LRP2: variants seen among roughly 807,000 people sequenced by gnomAD.
The protein encoded by LRP2 is LDL receptor related protein 2.
Under a neutral mutation model 531.0 loss-of-function variants are expected in LRP2, and 172 were observed. The observed-to-expected ratio is 0.32, with a 90% CI of 0.29 to 0.37. The LOEUF is 0.37. Among genes scored for constraint, LRP2 ranks in the 10% least tolerant of loss-of-function variants. LRP2 has a pLI of 1.00. For missense variants in LRP2, 5,167 were observed against 5,868.3 expected, an observed-to-expected ratio of 0.88 and a Z score of 3.90; for synonymous variants, 1,992 against 2,027.6, an observed-to-expected ratio of 0.98 and a Z score of 0.47.
rs1683713452 is a variant in LRP2 at position 169,281,854 on chromosome 2, A to G, written c.1171+1019T>C. 2.0e-5 allele frequency among the ~76,000 whole-genome samples: 3 copies of G among 152,144 alleles called. No homozygotes were observed. In the South Asian group the frequency reaches 6.2e-4, roughly 31 times the overall value. On this transcript the variant is annotated intron_variant, in intron 10 of 78. Transcript: ENST00000649046. ...AGAACTGTGCATATAGTTTACTACC[A>G]TATATAGATATGTAAATACAGTTAA...
At position 169,233,459 on chromosome 2, in the gene LRP2, G is replaced by C; in HGVS notation, c.5050C>G (p.Gln1684Glu). ...ACCGCAACAATCCCAAGGGGCCATT[G>C]AATATTATACATTACAACTGACTGG... Reference protein sequence around the residue: ...GNQSVVMYNIQWPLGIVAVHP... With the variant: ...GNQSVVMYNIEWPLGIVAVHP... The change falls in exon 30 of 79, where the codon CAA (glutamine) becomes GAA (glutamate). Residue 1684 changes from glutamine to glutamate, a missense_variant. Coordinates refer to ENST00000649046, the MANE Select transcript of LRP2 (RefSeq NM_004525.3). The C allele has an allele frequency of 6.2e-7, 1 of 1,614,124 alleles. No individual in the cohort carries two copies. Among genetic ancestry groups the C allele is most frequent in the Non-Finnish European group, 8.5e-7 (1 of 1,180,028 alleles).
chr2:169,336,025 A>AG (rs1685394385), intron 1 of LRP2, among the ~76,000 whole-genome samples: 1 of 152,086 alleles, frequency 6.6e-6, no homozygotes, highest in African/African-American at 2.4e-5. Flanking sequence ...AAAAAAAAAA[A>AG]AAAAACAAGC....
rs553755582 is a variant in LRP2, at chr2:169,283,093, G to A, written c.1043-92C>T. On this transcript the variant is annotated intron_variant, in intron 9 of 78. Coordinates refer to ENST00000649046, the MANE Select transcript of LRP2 (RefSeq NM_004525.3). ...AATCCTAGATAAGATGGCCAAGAAT[G>A]TGGTGTTGCCCATGTCTAAATAAAC... 12 of 1,330,076 alleles carry A rather than the reference G, an allele frequency of 9.0e-6. No individual in the cohort carries two copies. In the East Asian group the frequency reaches 2.5e-4, roughly 28 times the overall value. The allele number at this position is 1,330,076 out of a possible 1,614,324, so 82.4% of individuals were successfully genotyped here.
intron 1 of LRP2, among the ~76,000 whole-genome samples, chr2:169,336,765 T>G (rs955302291): frequency 6.6e-6 from 1 of 152,140 alleles, no homozygotes. Context: ...ATAACACTTG[T>G]CAGGAAACAA....
rs746915161 is a variant in LRP2 at position 169,175,404 on chromosome 2, T to C, written c.10572-15A>G. On this transcript the variant is annotated splice_polypyrimidine_tract_variant and intron_variant, in intron 54 of 78. Coordinates refer to ENST00000649046, the MANE Select transcript of LRP2 (RefSeq NM_004525.3). ...TAGGAATGCACCTGCACAGAGAACATACAGCACTTCTTTAGCAAAGCACCA... is the reference window on the plus strand; with the variant it reads ...TAGGAATGCACCTGCACAGAGAACACACAGCACTTCTTTAGCAAAGCACCA... 18 of 1,612,776 alleles carry C rather than the reference T, an allele frequency of 1.1e-5. No homozygotes were observed. Among genetic ancestry groups the C allele is most frequent in the Non-Finnish European group, 1.4e-5 (17 of 1,179,256 alleles).
At chr2:169,201,486 C>T (rs919223574) in intron 44 of LRP2, 142 bp downstream of exon 44, 22 of 1,020,860 alleles carry the variant, frequency 2.2e-5, no homozygotes, top group Middle Eastern at 3.1e-4. Context: ...TACTTGCTAC[C>T]GCGCCTAGCC....
chr2:169,356,619 C>A (rs1474425566), intron 1 of LRP2, among the ~76,000 whole-genome samples: 1 of 152,210 alleles, frequency 6.6e-6, no homozygotes, highest in Admixed American at 6.5e-5. Flanking sequence ...AAACCAAGAT[C>A]CTCCAACTTC....
At chr2:169,292,162 A>T in intron 7 of LRP2, 91 bp downstream of exon 7, 1 of 1,024,926 alleles carries the variant, frequency 9.8e-7, no homozygotes, top group South Asian at 1.3e-5. Flanking sequence ...TGCTTGTCAC[A>T]CAAAATTTCT....
intron 45 of LRP2, 131 bp from the exon 46 acceptor site, chr2:169,197,161 T>G: frequency 9.1e-7 from 1 of 1,099,054 alleles, no homozygotes; most frequent in Non-Finnish European, 1.3e-6. Context: ...GGAAAATGGA[T>G]GCTTGTGTAA....
chr2:169,345,618 GCA>G (rs2105566535), intron 1 of LRP2, among the ~76,000 whole-genome samples: 1 of 152,082 alleles, frequency 6.6e-6, no homozygotes, highest in South Asian at 2.1e-4. Context: ...ACAGAACTGT[GCA>G]CACACACAGC....
chr2:169,323,853 T>A (rs1684970903), intron 1 of LRP2, among the ~76,000 whole-genome samples: 4 of 148,052 alleles, frequency 2.7e-5, no homozygotes, highest in Non-Finnish European at 3.0e-5. Flanking sequence ...GCTGCCTGAT[T>A]AAAAAAAAAA....
intron 63 of LRP2, among the ~76,000 whole-genome samples, chr2:169,162,029 G>A (rs781574372): frequency 1.3e-4 from 20 of 152,082 alleles, no homozygotes; most frequent in Non-Finnish European, 2.2e-4. Flanking sequence ...TTCTCCTAAT[G>A]CTATCCCTCC....
chr2:169,221,103 G>A (rs1455984425), intron 33 of LRP2, among the ~76,000 whole-genome samples: 1 of 152,168 alleles, frequency 6.6e-6, no homozygotes, highest in Non-Finnish European at 1.5e-5. Context: ...GGTCCTGACT[G>A]TACAATCTGA....
intron 52 of LRP2, among the ~76,000 whole-genome samples, chr2:169,180,894 C>T (rs564852762): frequency 6.6e-6 from 1 of 152,172 alleles, no homozygotes; most frequent in South Asian, 2.1e-4. Context: ...TTTTATTGAA[C>T]AGTATATTTA....
chr2:169,318,745 C>A lies in LRP2; in HGVS notation c.310+17G>T. The A allele has an allele frequency of 6.2e-7, 1 of 1,613,996 alleles. No homozygotes were observed. The highest frequency in any genetic ancestry group is 8.5e-7 in the Non-Finnish European group (1 of 1,179,934). ...GTGTCCACAAAGCCAAAGCAAGATT[C>A]CTCTCCAAACACTTACAGCAATCTT... is the stretch of plus-strand genomic sequence containing the variant. On this transcript the variant is annotated intron_variant, in intron 3 of 78. Coordinates refer to ENST00000649046, the MANE Select transcript of LRP2 (RefSeq NM_004525.3).
At chr2:169,196,492 A>G (rs1468497867) in intron 46 of LRP2, among the ~76,000 whole-genome samples, 4 of 152,168 alleles carry the variant, frequency 2.6e-5, no homozygotes, top group African/African-American at 9.7e-5. Flanking sequence ...CAGAGAGAGA[A>G]CAGGAAGAGG....
At chr2:169,338,028 G>A (rs831032) in intron 1 of LRP2, among the ~76,000 whole-genome samples, 14,296 of 151,882 alleles carry the variant, frequency 0.094, 765 homozygotes, top group African/African-American at 0.13. Context: ...GATCGCTTGC[G>A]CCCGGGAGTT....
At chr2:169,150,780 C>T (rs1044258132) in intron 68 of LRP2, 118 bp downstream of exon 68, 97 of 1,272,372 alleles carry the variant, frequency 7.6e-5, no homozygotes, top group Non-Finnish European at 9.6e-5. Context: ...GACGCTACTC[C>T]CAAAAACTTG....
Position 169,225,365 on chromosome 2 carries a change from A to G in LRP2, c.5483T>C (p.Leu1828Ser). ...SMVGPSMNLA[L>S]DWISRNLYST... ...ATAAAGGTTTCTTGAAATCCAATCT[A>G]AGGCCAGGTTCATAGAAGGCCCCAC... Residue 1828 changes from leucine to serine, a missense_variant, in exon 33 of 79, where the codon TTA (leucine) becomes TCA (serine). This residue lies in a region of LRP2 where 2,811 missense variants were observed against 3,058.0 expected (regional missense o/e 0.92). Transcript: ENST00000649046. 1 of 1,614,026 alleles carries G rather than the reference A, an allele frequency of 6.2e-7. No individual in the cohort carries two copies. The highest frequency in any genetic ancestry group is 8.5e-7 in the Non-Finnish European group (1 of 1,179,928).
Sources: gnomAD v4.1 joint callset for allele counts (sites outside exome capture counted in the v4.1 genomes callset) on GRCh38, gnomAD v4.1.1 for gene constraint, gnomAD v4.1.1 regional missense constraint, MANE v1.5 for transcripts, NCBI Gene and HGNC (gene_info 2026-07-23, HGNC 2026-07-21) for gene names.